KDM4C: variants seen among roughly 807,000 people sequenced by gnomAD.
KDM4C encodes the protein lysine demethylase 4C, also known as lysine-specific demethylase 4C.
In KDM4C, 81 loss-of-function variants were observed where a neutral mutation model predicts 129.3. The ratio of observed to expected loss-of-function variants is 0.63; its 90% CI spans 0.52 to 0.75. KDM4C has a LOEUF of 0.75. Ranked by LOEUF, KDM4C falls within the 30% of genes least tolerant of loss-of-function variation. The pLI is 0.00. For synonymous variants in KDM4C, 573 were observed against 456.1 expected (o/e 1.26, Z -3.26); for missense variants, 1,457 against 1,304.0 (o/e 1.12, Z -1.81).
intron 8 of KDM4C, among the ~76,000 whole-genome samples, chr9:6,977,391 A>G (rs915536107): frequency 2.0e-5 from 3 of 152,168 alleles, no homozygotes; most frequent in Non-Finnish European, 2.9e-5. Flanking sequence ...CAAGAAATCA[A>G]CTTTTTCCCA....
intron 1 of KDM4C, among the ~76,000 whole-genome samples, chr9:6,729,618 G>T (rs1454959838): frequency 7.5e-6 from 1 of 134,050 alleles, no homozygotes; most frequent in Non-Finnish European, 1.5e-5. Flanking sequence ...CTGGAAAAAA[G>T]GAAATAACAT....
At chr9:6,731,578 C>G (rs1817337038) in intron 1 of KDM4C, among the ~76,000 whole-genome samples, 1 of 151,974 alleles carries the variant, frequency 6.6e-6, no homozygotes, top group African/African-American at 2.4e-5. Context: ...GTGATCCGCC[C>G]ACCTCGGCCT....
chr9:7,174,005 A>T (rs1222126727), intron 21 of KDM4C, among the ~76,000 whole-genome samples: 1 of 152,244 alleles, frequency 6.6e-6, no homozygotes, highest in Non-Finnish European at 1.5e-5. Flanking sequence ...CCCCTGAGAC[A>T]TCAAAAGTGA....
intron 8 of KDM4C, among the ~76,000 whole-genome samples, chr9:6,965,600 G>T (rs1563899917): frequency 6.6e-6 from 1 of 152,228 alleles, no homozygotes; most frequent in Non-Finnish European, 1.5e-5. Flanking sequence ...GTACTTTTCT[G>T]TCTGAGAGCT....
At chr9:6,855,609 T>C (rs925127937) in intron 5 of KDM4C, among the ~76,000 whole-genome samples, 6 of 152,034 alleles carry the variant, frequency 3.9e-5, no homozygotes, top group African/African-American at 1.4e-4. Flanking sequence ...TCCCTTTATT[T>C]CTCCCTCCCT....
At chr9:6,996,398 A>G (rs1264237480) in intron 12 of KDM4C, among the ~76,000 whole-genome samples, 1 of 152,312 alleles carries the variant, frequency 6.6e-6, no homozygotes, top group East Asian at 1.9e-4. Context: ...TTCATCCTGC[A>G]CATGTGTGCA....
At chr9:6,959,237 C>A (rs12380335) in intron 8 of KDM4C, among the ~76,000 whole-genome samples, 6,300 of 152,206 alleles carry the variant, frequency 0.041, 180 homozygotes, top group Middle Eastern at 0.1. Flanking sequence ...GTTTGAAATC[C>A]CCATGCTGGT....
rs531632891 is a variant in KDM4C at position 6,797,314 on chromosome 9, T to C, written c.144+4182T>C. 3.3e-5 allele frequency among the ~76,000 whole-genome samples: 5 copies of C among 152,316 alleles called. No individual in the cohort carries two copies. In the South Asian group the frequency reaches 1.0e-3, roughly 32 times the overall value. ...TTAATCCACTATTGACAAGATTTAA[T>C]GAATTGGTCTTAATTTATGATTTGA... On this transcript the variant is annotated intron_variant, in intron 2 of 21. Transcript: ENST00000381309.
chr9:7,074,827 A>G (rs1833701526), intron 17 of KDM4C, among the ~76,000 whole-genome samples: 1 of 152,182 alleles, frequency 6.6e-6, no homozygotes, highest in Admixed American at 6.5e-5. Flanking sequence ...CAGCATGGAC[A>G]TGCTGATACG....
At chr9:6,806,284 C>T (rs894322911) in intron 3 of KDM4C, among the ~76,000 whole-genome samples, 2 of 152,000 alleles carry the variant, frequency 1.3e-5, no homozygotes, top group African/African-American at 4.8e-5. Flanking sequence ...CACCTGAGGT[C>T]GGGAGTTCAA....
intron 12 of KDM4C, among the ~76,000 whole-genome samples, chr9:7,008,477 C>G (rs1200514204): frequency 4.6e-5 from 7 of 152,236 alleles, no homozygotes; most frequent in African/African-American, 1.7e-4. Flanking sequence ...CAGACCCAGG[C>G]TCCAAGCTGG....
At chr9:7,151,346 A>G (rs1002352033) in intron 19 of KDM4C, among the ~76,000 whole-genome samples, 7 of 152,122 alleles carry the variant, frequency 4.6e-5, no homozygotes, top group African/African-American at 1.2e-4. Context: ...ATTTCAGCTT[A>G]AGGGACAACC....
intron 12 of KDM4C, among the ~76,000 whole-genome samples, chr9:7,005,862 G>C (rs1175334124): frequency 6.6e-6 from 1 of 152,196 alleles, no homozygotes; most frequent in Non-Finnish European, 1.5e-5. Flanking sequence ...TAGACTGCAT[G>C]AATGAAGCAT....
chr9:6,922,608 G>T (rs1278456228), intron 8 of KDM4C, among the ~76,000 whole-genome samples: 1 of 152,218 alleles, frequency 6.6e-6, no homozygotes, highest in African/African-American at 2.4e-5. Context: ...TTAGTTGAAT[G>T]TGGTGGCCCG....
intron 12 of KDM4C, among the ~76,000 whole-genome samples, chr9:7,003,365 C>A (rs1396178204): frequency 6.6e-6 from 1 of 151,442 alleles, no homozygotes; most frequent in African/African-American, 2.4e-5. Context: ...GAAACTTCAG[C>A]CACGCTGGTA....
chr9:7,058,152 C>T (rs1831129572), intron 17 of KDM4C, among the ~76,000 whole-genome samples: 1 of 152,200 alleles, frequency 6.6e-6, no homozygotes, highest in Admixed American at 6.5e-5. Flanking sequence ...CAGGGGCCAG[C>T]AGTCAGAAGA....
intron 18 of KDM4C, 139 bp downstream of exon 18, chr9:7,104,009 G>A (rs1053407041): frequency 4.9e-5 from 37 of 748,548 alleles, no homozygotes; most frequent in Non-Finnish European, 7.4e-5. Flanking sequence ...TTCCTTGAGG[G>A]CAGGGATTGC....
chr9:7,107,594 T>C (rs1301892506), intron 18 of KDM4C, among the ~76,000 whole-genome samples: 1 of 152,236 alleles, frequency 6.6e-6, no homozygotes, highest in Non-Finnish European at 1.5e-5. Context: ...GCAATGAACA[T>C]GGCCTCTTTA....
chr9:7,075,713 A>T (rs995062853), intron 17 of KDM4C, among the ~76,000 whole-genome samples: 1 of 152,156 alleles, frequency 6.6e-6, no homozygotes, highest in African/African-American at 2.4e-5. Context: ...AATCTCAGGT[A>T]TTCTGTTACA....
Sources: allele counts gnomAD v4.1 joint callset (sites outside exome capture counted in the v4.1 genomes callset), GRCh38; gene constraint gnomAD v4.1.1; transcripts MANE v1.5; gene names NCBI Gene and HGNC (gene_info 2026-07-23, HGNC 2026-07-21).